The following DOCK10 variants were observed in gnomAD, a reference collection of about 807,000 sequenced individuals.
DOCK10 encodes the protein dedicator of cytokinesis 10.
A neutral mutation model predicts 280.1 loss-of-function variants in DOCK10; 145 were observed. The ratio of observed to expected loss-of-function variants is 0.52; its 90% CI spans 0.45 to 0.59. The LOEUF (loss-of-function observed/expected upper bound fraction) is 0.59. Among genes scored for constraint, DOCK10 ranks in the 20% least tolerant of loss-of-function variants. The probability of loss-of-function intolerance (pLI) is 0.00; values close to 1 mark genes in which losing one functional copy is unlikely to be tolerated. For missense variants in DOCK10, 2,368 were observed against 2,651.7 expected, an observed-to-expected ratio of 0.89 and a Z score of 2.35; for synonymous variants, 915 against 942.2, an observed-to-expected ratio of 0.97 and a Z score of 0.53.
intron 1 of DOCK10, among the ~76,000 whole-genome samples, chr2:224,935,487 CAG>C (rs1486032615): frequency 6.6e-6 from 1 of 152,126 alleles, no homozygotes; most frequent in Non-Finnish European, 1.5e-5. Context: ...TACGATGCAA[CAG>C]AGAGTTTAAC....
chr2:225,021,444 A>G (rs1161457944), intron 1 of DOCK10, among the ~76,000 whole-genome samples: 1 of 152,154 alleles, frequency 6.6e-6, no homozygotes, highest in African/African-American at 2.4e-5. Context: ...CTTAGTGTTT[A>G]TTTTAACCTA....
chr2:224,880,720 G>C (rs1559642937), intron 7 of DOCK10, among the ~76,000 whole-genome samples: 1 of 152,128 alleles, frequency 6.6e-6, no homozygotes, highest in East Asian at 1.9e-4. Flanking sequence ...ATCTGAAAAA[G>C]TTCCAAACTG....
At position 224,789,165 on chromosome 2, in the gene DOCK10, A is replaced by G. The variant is rs1167844610; in HGVS notation, c.5317T>C (p.Phe1773Leu). The G allele has an allele frequency of 6.2e-7, 1 of 1,608,584 alleles. No individual in the cohort carries two copies. ...AAAAAAGCTGGCCATCCCATAGAGA[A>G]CATGCCTTGGGAGGACCAAGCAGAA... ...LLTTPSGGSM[F>L]SMGWPAFLSI... Residue 1773 changes from phenylalanine to leucine, a missense_variant, in exon 48 of 56, where the codon TTC becomes CTC. Transcript: ENST00000258390.
chr2:224,927,342 A>T (rs1702091232), intron 2 of DOCK10, among the ~76,000 whole-genome samples: 1 of 152,190 alleles, frequency 6.6e-6, no homozygotes, highest in Non-Finnish European at 1.5e-5. Flanking sequence ...GAAGCCACTG[A>T]GAAGTTTTAA....
chr2:224,941,843 CAAAA>C (rs72072414), intron 1 of DOCK10, among the ~76,000 whole-genome samples: 3 of 108,982 alleles, frequency 2.8e-5, no homozygotes, highest in Admixed American at 9.6e-5. Context: ...GCCTCCATCT[CAAAA>C]AAAAAAAAAA....
chr2:224,881,416 C>T (rs906628277), intron 7 of DOCK10, among the ~76,000 whole-genome samples: 1 of 152,220 alleles, frequency 6.6e-6, no homozygotes, highest in Admixed American at 6.5e-5. Context: ...CTAAAATTCA[C>T]TGCTTAAAGC....
At chr2:224,954,785 T>C (rs894041080) in intron 1 of DOCK10, among the ~76,000 whole-genome samples, 1 of 152,226 alleles carries the variant, frequency 6.6e-6, no homozygotes, top group Non-Finnish European at 1.5e-5. Flanking sequence ...ACAGTGTTCT[T>C]TTCCTATTAA....
chr2:224,804,742 T>C, intron 38 of DOCK10, 52 bp downstream of exon 38: 1 of 1,181,530 alleles, frequency 8.5e-7, no homozygotes, highest in Non-Finnish European at 1.2e-6. Context: ...TTAATACATG[T>C]CATATGCTTT....
intron 15 of DOCK10, among the ~76,000 whole-genome samples, chr2:224,856,438 T>A (rs1697151046): frequency 1.3e-5 from 2 of 152,196 alleles, no homozygotes; most frequent in Admixed American, 1.3e-4. Context: ...GTATGGATTT[T>A]GGCCAGGATG....
chr2:224,969,117 G>A (rs1434757384), intron 1 of DOCK10, among the ~76,000 whole-genome samples: 2 of 152,130 alleles, frequency 1.3e-5, no homozygotes, highest in Non-Finnish European at 2.9e-5. Flanking sequence ...TTAGGCTCCT[G>A]GCTTTTGCCA....
intron 4 of DOCK10, 94 bp downstream of exon 4, chr2:224,896,201 A>T: frequency 1.5e-6 from 1 of 669,338 alleles, no homozygotes; most frequent in Non-Finnish European, 2.4e-6. Context: ...ACAGAAGATT[A>T]ATGTACGTGT....
At position 224,982,342 on chromosome 2, in the gene DOCK10, C is replaced by G. The variant is rs114267862; in HGVS notation, c.124-50674G>C. ...GGACCACAGAACGAAAAGCTTGAAG[C>G]AGAACAATGCTGGCAGTGCAGCCCA... On this transcript the variant is annotated intron_variant, in intron 1 of 55. Transcript: ENST00000258390. 5.4e-4 allele frequency: 664 copies of G among 1,231,966 alleles called. 3 individuals carry two copies. The African/African-American group carries it at 9.1e-3, about 17-fold the overall frequency. The allele number at this position is 1,231,966 out of a possible 1,614,324, so 76.3% of individuals were successfully genotyped here.
chr2:224,861,193 T>C (rs561117259), intron 14 of DOCK10: 2 of 152,330 alleles, frequency 1.3e-5, no homozygotes. Context: ...ATCTTTTTCA[T>C]GCAGAATGTC....
chr2:224,895,752 T>C (rs1279028960), intron 4 of DOCK10, among the ~76,000 whole-genome samples: 1 of 151,466 alleles, frequency 6.6e-6, no homozygotes. Flanking sequence ...CAAAATTACT[T>C]TCTCCAAAGG....
At chr2:224,992,005 C>A (rs16866414) in intron 1 of DOCK10, among the ~76,000 whole-genome samples, 19 of 152,106 alleles carry the variant, frequency 1.2e-4, no homozygotes, top group African/African-American at 3.6e-4. Flanking sequence ...CAAGAAAAAC[C>A]AAATTATGTC....
At chr2:224,772,730 T>C (rs1253499510) in intron 53 of DOCK10, among the ~76,000 whole-genome samples, 1 of 152,250 alleles carries the variant, frequency 6.6e-6, no homozygotes, top group Non-Finnish European at 1.5e-5. Context: ...CTGTCACAAC[T>C]CTGCCAGACA....
intron 45 of DOCK10, among the ~76,000 whole-genome samples, chr2:224,793,989 A>G (rs1407177566): frequency 1.3e-5 from 2 of 152,218 alleles, no homozygotes; most frequent in South Asian, 2.1e-4. Context: ...TTATATTTTA[A>G]TCTGTCTCTT....
At chr2:224,782,171 G>A (rs1691391900) in intron 50 of DOCK10, among the ~76,000 whole-genome samples, 1 of 152,080 alleles carries the variant, frequency 6.6e-6, no homozygotes, top group African/African-American at 2.4e-5. Flanking sequence ...CCTATAGGTG[G>A]AGAGCTATAT....
rs370930173 is a variant in DOCK10 at position 224,896,377 on chromosome 2, C to A, written c.334G>T (p.Ala112Ser). The change falls in exon 4 of 56, where the codon GCT becomes TCT. Residue 112 changes from alanine (A) to serine (S), a missense_variant and splice_region_variant. By Grantham distance (99) the Ala-to-Ser change is moderately conservative. Transcript: ENST00000258390. ...HKAENLLVKE[A>S]CKFYSSQWHV... The stretch of plus-strand genomic sequence containing the variant: ...CACTGGGAACTATAAAATTTACAAG[C>A]CTGAAAGAAAGAAAAATGACAATTA... The A allele has an allele frequency of 5.1e-6, 8 of 1,566,130 alleles. No individual in the cohort carries two copies. Among genetic ancestry groups the A allele is most frequent in the Non-Finnish European group, 7.0e-6 (8 of 1,146,426 alleles).
Sources: allele counts gnomAD v4.1 joint callset (sites outside exome capture counted in the v4.1 genomes callset), GRCh38; gene constraint gnomAD v4.1.1; transcripts MANE v1.5; gene names NCBI Gene and HGNC (gene_info 2026-07-23, HGNC 2026-07-21).